The following LRCH3 variants were observed in gnomAD, a reference collection of about 807,000 sequenced individuals.
LRCH3 encodes DISP complex protein LRCH3.
Under a neutral mutation model 104.5 loss-of-function variants are expected in LRCH3, and 68 were observed. The ratio of observed to expected loss-of-function variants is 0.65; its 90% CI spans 0.54 to 0.80. The LOEUF is 0.80. Among genes scored for constraint, LRCH3 ranks in the 30% least tolerant of loss-of-function variants. LRCH3 has a pLI of 0.00. For missense variants in LRCH3, 951 were observed against 953.9 expected, an observed-to-expected ratio of 1.00 and a Z score of 0.04; for synonymous variants, 344 against 361.3, an observed-to-expected ratio of 0.95 and a Z score of 0.54.
At chr3:197,829,503 A>T in intron 5 of LRCH3, 61 bp from the exon 6 acceptor site, 1 of 1,050,172 alleles carries the variant, frequency 9.5e-7, no homozygotes, top group Non-Finnish European at 1.4e-6. Context: ...TGTTGATATG[A>T]TAAAAAGGAG....
intron 6 of LRCH3, 137 bp from the exon 7 acceptor site, chr3:197,830,632 TA>T: frequency 1.6e-6 from 1 of 626,188 alleles, no homozygotes; most frequent in Non-Finnish European, 2.8e-6. Context: ...TTTTTCATAT[TA>T]AAAAATTAAA....
intron 1 of LRCH3, among the ~76,000 whole-genome samples, chr3:197,797,929 A>G (rs1044634908): frequency 1.3e-5 from 2 of 151,302 alleles, no homozygotes; most frequent in Non-Finnish European, 2.9e-5. Context: ...AGAAGGAACC[A>G]TAGTGACCTT....
intron 4 of LRCH3, among the ~76,000 whole-genome samples, chr3:197,824,125 C>T (rs879566165): frequency 5.9e-5 from 9 of 151,360 alleles, no homozygotes; most frequent in Non-Finnish European, 8.8e-5. Flanking sequence ...AGTGCAGTGG[C>T]ATGATCTTGG....
intron 15 of LRCH3, among the ~76,000 whole-genome samples, chr3:197,864,124 T>C (rs1741187467): frequency 6.7e-6 from 1 of 149,524 alleles, no homozygotes; most frequent in Non-Finnish European, 1.5e-5. Flanking sequence ...CTGACCAACA[T>C]GGAGAAACCC....
chr3:197,812,266 C>A (rs1733210779), intron 1 of LRCH3, among the ~76,000 whole-genome samples: 1 of 152,060 alleles, frequency 6.6e-6, no homozygotes, highest in Non-Finnish European at 1.5e-5. Flanking sequence ...TCATATTTAT[C>A]CTTTGATGTC....
At chr3:197,869,589 G>A (rs1225701014) in intron 17 of LRCH3, among the ~76,000 whole-genome samples, 1 of 140,488 alleles carries the variant, frequency 7.1e-6, no homozygotes, top group African/African-American at 2.9e-5. Flanking sequence ...GCGATGCACT[G>A]TACCTGCAGG....
At position 197,839,370 on chromosome 3, in the gene LRCH3, A is replaced by G. The variant is rs1737446046; in HGVS notation, c.1301A>G (p.Asp434Gly). 1.3e-6 allele frequency: 2 copies of G among 1,595,616 alleles called. No individual in the cohort carries two copies. Among genetic ancestry groups the G allele is most frequent in the Non-Finnish European group, 1.7e-6 (2 of 1,173,710 alleles). The change falls in exon 10 of 21, where the codon GAT (aspartate) becomes GGT (glycine). Residue 434 changes from aspartate (D) to glycine (G), a missense_variant. Asp to Gly is a moderately conservative substitution (Grantham distance 94). Coordinates refer to ENST00000425562, the MANE Select transcript of LRCH3 (RefSeq NM_001365715.1). ...VAIREFQKTE[D>G]MRRYLHQNRV... Reference sequence around the variant, plus strand: ...ATTAGGGAGTTTCAAAAAACAGAAGATATGAGAAGATATTTACATCAAAAC... The same window carrying G: ...ATTAGGGAGTTTCAAAAAACAGAAGGTATGAGAAGATATTTACATCAAAAC...
intron 1 of LRCH3, among the ~76,000 whole-genome samples, chr3:197,802,321 G>A (rs1489442377): frequency 6.6e-6 from 1 of 152,158 alleles, no homozygotes; most frequent in Non-Finnish European, 1.5e-5. Context: ...ACCACACACA[G>A]ACTGATTAAT....
intron 20 of LRCH3, among the ~76,000 whole-genome samples, chr3:197,879,377 T>A (rs188243531): frequency 6.6e-6 from 1 of 152,162 alleles, no homozygotes; most frequent in Non-Finnish European, 1.5e-5. Flanking sequence ...CCGGGCGCGG[T>A]GGCTCACGCC....
chr3:197,813,615 C>G (rs554810733), intron 1 of LRCH3, among the ~76,000 whole-genome samples: 1 of 146,364 alleles, frequency 6.8e-6, no homozygotes, highest in African/African-American at 2.5e-5. Context: ...ACTGCAACCT[C>G]TGCCTCCCAG....
intron 3 of LRCH3, among the ~76,000 whole-genome samples, chr3:197,818,372 G>GTCA (rs1734096959): frequency 1.3e-5 from 2 of 152,274 alleles, no homozygotes; most frequent in South Asian, 4.1e-4. Context: ...TTCTGAAGTG[G>GTCA]TCAAATACAA....
At chr3:197,876,003 T>C in intron 20 of LRCH3, 2 of 329,226 alleles carry the variant, frequency 6.1e-6, no homozygotes, top group Non-Finnish European at 5.4e-6. Flanking sequence ...GTATAAGTAA[T>C]TTGAAATAAT....
chr3:197,815,105 A>G, intron 2 of LRCH3, 53 bp downstream of exon 2: 1 of 1,111,718 alleles, frequency 9.0e-7, no homozygotes, highest in Non-Finnish European at 1.3e-6. Context: ...GATCTTTTCG[A>G]TTTTCCCCTT....
At chr3:197,834,620 C>T (rs1313016824) in intron 8 of LRCH3, among the ~76,000 whole-genome samples, 1 of 152,090 alleles carries the variant, frequency 6.6e-6, no homozygotes, top group Non-Finnish European at 1.5e-5. Context: ...ATATTAAGCC[C>T]CAGACCTAAA....
chr3:197,825,472 T>C (rs1340183355), intron 4 of LRCH3, among the ~76,000 whole-genome samples: 4 of 82,162 alleles, frequency 4.9e-5, no homozygotes, highest in Non-Finnish European at 9.9e-5. Flanking sequence ...TGATTTTTTT[T>C]TTTTTTTTTT....
intron 20 of LRCH3, among the ~76,000 whole-genome samples, chr3:197,878,568 A>G (rs540310240): frequency 3.3e-5 from 5 of 152,244 alleles, no homozygotes; most frequent in African/African-American, 1.2e-4. Flanking sequence ...GGACGTTCCC[A>G]TAGGCTGCCC....
At chr3:197,809,794 C>A (rs558005457) in intron 1 of LRCH3, among the ~76,000 whole-genome samples, 2 of 152,122 alleles carry the variant, frequency 1.3e-5, no homozygotes, top group African/African-American at 4.8e-5. Context: ...TTGAGGCTTT[C>A]TGGTTTTCAT....
chr3:197,797,650 G>T (rs1339966267), intron 1 of LRCH3, among the ~76,000 whole-genome samples: 1 of 151,516 alleles, frequency 6.6e-6, no homozygotes, highest in African/African-American at 2.4e-5. Flanking sequence ...CACCTGAGGT[G>T]AGGAGTTTGA....
intron 6 of LRCH3, 93 bp downstream of exon 6, chr3:197,829,766 G>T (rs1735682455): frequency 1.2e-6 from 1 of 821,258 alleles, no homozygotes; most frequent in African/African-American, 1.7e-5. Flanking sequence ...TTGACTAAAG[G>T]GAAATAACCT....
Sources: allele counts gnomAD v4.1 joint callset (sites outside exome capture counted in the v4.1 genomes callset), GRCh38; gene constraint gnomAD v4.1.1; transcripts MANE v1.5; gene names NCBI Gene and HGNC (gene_info 2026-07-23, HGNC 2026-07-21).